KRT86: variants seen among roughly 807,000 people sequenced by gnomAD.
The protein encoded by KRT86 is keratin, type II cuticular Hb6.
Under a neutral mutation model 41.2 loss-of-function variants are expected in KRT86, and 30 were observed. The ratio of observed to expected loss-of-function variants is 0.73; its 90% CI spans 0.54 to 0.99. The LOEUF is 0.99. KRT86 is among the 50% of genes least tolerant of loss of function. KRT86 has a pLI of 0.00. For synonymous variants in KRT86, 238 were observed against 238.1 expected (o/e 1.00, Z 0.00); for missense variants, 561 against 571.4 (o/e 0.98, Z 0.19).
At position 52,283,509 on chromosome 12, in the gene KRT86, G is replaced by A. The variant is rs552998602; in HGVS notation, c.-5+7563G>A. On this transcript the variant is annotated intron_variant, in intron 2 of 10. Coordinates refer to ENST00000423955, the MANE Select transcript of KRT86 (RefSeq NM_001320198.2). ...TTTTTTTTTTTTGAGACAGAGTCTC[G>A]CTCTTGTTGCCCAGGCTGGAATGCA... 2.3e-3 allele frequency among the ~76,000 whole-genome samples: 239 copies of A among 104,916 alleles called. No individual in the cohort carries two copies. The Middle Eastern group carries it at 0.034, about 15-fold the overall frequency. 68.8% of individuals were successfully genotyped at this position (104,916 alleles called of 152,430 possible).
At chr12:52,285,728 G>A (rs1407794821) in intron 2 of KRT86, among the ~76,000 whole-genome samples, 3 of 152,154 alleles carry the variant, frequency 2.0e-5, no homozygotes, top group Admixed American at 2.0e-4. Context: ...GGGTTGTGTG[G>A]ATAAAGTTAC....
At chr12:52,283,325 G>A (rs910876188) in intron 2 of KRT86, among the ~76,000 whole-genome samples, 1 of 147,926 alleles carries the variant, frequency 6.8e-6, no homozygotes, top group African/African-American at 2.5e-5. Flanking sequence ...CTAGTGAGGT[G>A]GAGGTTGCAG....
intron 2 of KRT86, chr12:52,278,873 G>A (rs61914250): frequency 0.17 from 25,358 of 152,272 alleles, 2,393 homozygotes; most frequent in Non-Finnish European, 0.22. Flanking sequence ...TTCTCTCGGG[G>A]GTGACTGCGT....
intron 2 of KRT86, 147 bp downstream of exon 2, chr12:52,276,093 A>AC: frequency 1.2e-6 from 1 of 845,984 alleles, no homozygotes; most frequent in Non-Finnish European, 1.4e-6. Flanking sequence ...GTGCAGCTGC[A>AC]TGCATATATC....
intron 10 of KRT86, 36 bp downstream of exon 10, chr12:52,308,300 C>G (rs993222946): frequency 6.2e-7 from 1 of 1,613,862 alleles, no homozygotes. Context: ...TCCCGCTGGG[C>G]GGGTCTGGGA....
At position 52,302,052 on chromosome 12, in the gene KRT86, G is replaced by C. The variant is rs1284426801; in HGVS notation, c.136G>C (p.Gly46Arg). 3.1e-6 allele frequency: 5 copies of C among 1,606,866 alleles called. No homozygotes were observed. The highest frequency in any genetic ancestry group is 2.2e-5 in the East Asian group (1 of 44,648). ...CTACCGCGGCCTCACCGGGGGCTTC[G>C]GCAGCCACAGCGTGTGCGGAGGCTT... The part of the protein sequence containing the change: ...SCYRGLTGGF[G>R]SHSVCGGFRA... The change falls in exon 3 of 11, where the codon GGC (glycine) becomes CGC (arginine). Residue 46 changes from glycine (G) to arginine (R), a missense_variant. By Grantham distance (125) the Gly-to-Arg change is moderately radical (BLOSUM62 -2). Transcript: ENST00000423955.
chr12:52,287,647 C>T, intron 2 of KRT86: 2 of 1,613,950 alleles, frequency 1.2e-6, no homozygotes, highest in African/African-American at 1.3e-5. Flanking sequence ...TCATGCGGTT[C>T]AGCTCATTGA....
At chr12:52,285,252 G>C (rs1565738406) in intron 2 of KRT86, among the ~76,000 whole-genome samples, 1 of 152,102 alleles carries the variant, frequency 6.6e-6, no homozygotes, top group Non-Finnish European at 1.5e-5. Context: ...AGTCTGGCTG[G>C]AGTCCGTGTC....
chr12:52,305,883 T>C, intron 8 of KRT86, 95 bp downstream of exon 8: 5 of 1,607,294 alleles, frequency 3.1e-6, no homozygotes, highest in Non-Finnish European at 4.3e-6. Context: ...GCATTCATTC[T>C]CCAGCCCCTC....
chr12:52,283,691 G>A (rs1937836997), intron 2 of KRT86, among the ~76,000 whole-genome samples: 1 of 151,924 alleles, frequency 6.6e-6, no homozygotes, highest in South Asian at 2.1e-4. Context: ...TATTGGTCAC[G>A]CTGGTCTCAA....
chr12:52,288,259 C>A, intron 2 of KRT86: 1 of 1,601,194 alleles, frequency 6.2e-7, no homozygotes, highest in Non-Finnish European at 8.5e-7. Flanking sequence ...CCTCACACAG[C>A]CTCAGGGACT....
intron 5 of KRT86, 58 bp from the exon 6 acceptor site, chr12:52,304,874 G>T (rs1592438552): frequency 1.3e-6 from 2 of 1,568,050 alleles, no homozygotes; most frequent in East Asian, 4.5e-5. Context: ...GGAAGAGAGA[G>T]GAATCTAGAG....
At chr12:52,293,347 G>A (rs529025949) in intron 2 of KRT86, among the ~76,000 whole-genome samples, 28 of 152,234 alleles carry the variant, frequency 1.8e-4, no homozygotes, top group African/African-American at 5.5e-4. Context: ...TAACTTGCCC[G>A]AAGTCTCCCA....
intron 2 of KRT86, chr12:52,285,947 A>G (rs776111472): frequency 4.6e-5 from 21 of 455,012 alleles, no homozygotes; most frequent in Non-Finnish European, 6.9e-5. Context: ...ACAGATCAAG[A>G]GCAGAGGAGG....
intron 2 of KRT86, among the ~76,000 whole-genome samples, chr12:52,301,602 T>C (rs1938377052): frequency 6.6e-6 from 1 of 152,020 alleles, no homozygotes; most frequent in South Asian, 2.1e-4. Flanking sequence ...TCCTCAACTG[T>C]GTATTGGGAG....
chr12:52,305,923 C>T, intron 8 of KRT86, 135 bp downstream of exon 8: 1 of 1,578,012 alleles, frequency 6.3e-7, no homozygotes, highest in Non-Finnish European at 8.6e-7. Context: ...GTTGTGGTCT[C>T]TGTGAGTCCC....
At chr12:52,284,531 G>A (rs1026585577) in intron 2 of KRT86, among the ~76,000 whole-genome samples, 7 of 152,188 alleles carry the variant, frequency 4.6e-5, no homozygotes, top group Non-Finnish European at 8.8e-5. Flanking sequence ...AGCATACAGG[G>A]CTGGTTGGAA....
intron 2 of KRT86, among the ~76,000 whole-genome samples, chr12:52,282,983 T>C (rs1201464450): frequency 6.6e-6 from 1 of 152,220 alleles, no homozygotes; most frequent in Non-Finnish European, 1.5e-5. Flanking sequence ...CAGTTACCTC[T>C]AGGCATTGAG....
In KRT86 at chr12:52,288,499, C is replaced by G. The variant is rs765686606; in HGVS notation, c.-5+12553C>G. On this transcript the variant is annotated intron_variant, in intron 2 of 10. Transcript: ENST00000423955. ...GTTGGAGCTCAAGGACCCTGGTGAT[C>G]CAGCCCCCAGACTCCTCTCTCTGCC... 4.3e-6 allele frequency: 7 copies of G among 1,609,404 alleles called. No individual in the cohort carries two copies. In the East Asian group the frequency reaches 1.3e-4, roughly 31 times the overall value.
Sources: gnomAD v4.1 joint callset for allele counts (sites outside exome capture counted in the v4.1 genomes callset) on GRCh38, gnomAD v4.1.1 for gene constraint, MANE v1.5 for transcripts, NCBI Gene and HGNC (gene_info 2026-07-23, HGNC 2026-07-21) for gene names.